The following CLSPN variants were observed in gnomAD, a reference collection of about 807,000 sequenced individuals.
CLSPN encodes the protein claspin homolog.
A neutral mutation model predicts 156.3 loss-of-function variants in CLSPN; 85 were observed. The observed-to-expected ratio is 0.54, with a 90% CI of 0.46 to 0.65. The LOEUF is 0.65. CLSPN is among the 30% of genes least tolerant of loss of function. The pLI is 0.00. For missense variants in CLSPN, 1,407 were observed against 1,554.9 expected (o/e 0.90, Z 1.60); for synonymous variants, 534 against 542.4 (o/e 0.98, Z 0.22).
At chr1:35,760,247 G>T in intron 8 of CLSPN, 95 bp downstream of exon 8, 1 of 943,100 alleles carries the variant, frequency 1.1e-6, no homozygotes, top group Non-Finnish European at 1.6e-6. Context: ...GTGGTTATTG[G>T]TTCCTCCTGT....
intron 1 of CLSPN, among the ~76,000 whole-genome samples, chr1:35,768,743 A>G (rs931166549): frequency 1.1e-4 from 16 of 152,280 alleles, no homozygotes; most frequent in African/African-American, 3.8e-4. Context: ...CAAAGCAGTA[A>G]AACTATTACT....
At chr1:35,752,543 A>G (rs1221237845) in intron 9 of CLSPN, among the ~76,000 whole-genome samples, 1 of 138,668 alleles carries the variant, frequency 7.2e-6, no homozygotes, top group African/African-American at 2.7e-5. Flanking sequence ...GTGCCATTGC[A>G]CTCCAGCCAG....
intron 10 of CLSPN, among the ~76,000 whole-genome samples, 164 bp downstream of exon 10, chr1:35,751,086 G>A (rs141277003): frequency 4.6e-4 from 69 of 151,584 alleles, no homozygotes; most frequent in African/African-American, 1.6e-3. Flanking sequence ...GGTACTGACA[G>A]AACTGAAGTT....
rs1641375978 is a variant in CLSPN at position 35,733,627 on chromosome 1, C to T, written c.*2869G>A. ...CAAAGAAAGAGGCAAAAACATGTAT[C>T]TTGAACCCATGGATAAAATGAAGTA... On this transcript the variant is annotated 3_prime_UTR_variant, in exon 25 of 25. Coordinates refer to ENST00000318121, the MANE Select transcript of CLSPN (RefSeq NM_022111.4). The T allele has an allele frequency of 1.0e-6, 1 of 985,280 alleles. No individual in the cohort carries two copies. The highest frequency in any genetic ancestry group is 1.2e-6 in the Non-Finnish European group (1 of 829,940). The allele number at this position is 985,280 out of a possible 1,614,324, so 61.0% of individuals were successfully genotyped here.
intron 9 of CLSPN, among the ~76,000 whole-genome samples, chr1:35,752,283 T>C (rs193295189): frequency 3.0e-4 from 46 of 152,140 alleles, no homozygotes; most frequent in Admixed American, 2.6e-3. Context: ...GCAGCCATTT[T>C]AAAAAAAGCC....
chr1:35,761,636 C>T (rs751653238), intron 6 of CLSPN, among the ~76,000 whole-genome samples: 1 of 152,040 alleles, frequency 6.6e-6, no homozygotes, highest in Non-Finnish European at 1.5e-5. Flanking sequence ...ATGTATACAG[C>T]GTGATACTCT....
At chr1:35,722,517 TAG>T (rs1641095093) in intron 24 of CLSPN, among the ~76,000 whole-genome samples, 1 of 152,100 alleles carries the variant, frequency 6.6e-6, no homozygotes, top group Admixed American at 6.5e-5. Flanking sequence ...CCCAAAGTGC[TAG>T]GATTTCAGGC....
intron 8 of CLSPN, among the ~76,000 whole-genome samples, chr1:35,757,719 T>C (rs902130728): frequency 2.0e-5 from 3 of 152,232 alleles, no homozygotes; most frequent in African/African-American, 7.2e-5. Flanking sequence ...TTTCCCTCAG[T>C]GTTCCGGACA....
chr1:35,732,545 T>C lies in CLSPN; in HGVS notation c.*3951A>G. The stretch of plus-strand genomic sequence containing the variant: ...GCTGTGCAACTGTGAATTAATGAGA[T>C]GAAATTAGAGACCTGTTTAAAGAGG... On this transcript the variant is annotated 3_prime_UTR_variant, in exon 25 of 25. Coordinates refer to ENST00000318121, the MANE Select transcript of CLSPN (RefSeq NM_022111.4). 3 of 985,356 alleles carry C rather than the reference T, an allele frequency of 3.0e-6. No individual in the cohort carries two copies. Among genetic ancestry groups the C allele is most frequent in the South Asian group, 9.4e-5 (2 of 21,278 alleles). The allele number at this position is 985,356 out of a possible 1,614,324, so 61.0% of individuals were successfully genotyped here.
At chr1:35,731,207 AAAAAAAGAAAGAAAG>A (rs1468438770), downstream of CLSPN, among the ~76,000 whole-genome samples, 2 of 151,960 alleles carry the variant, frequency 1.3e-5, no homozygotes, top group Admixed American at 6.6e-5. Context: ...CTCAAAAAAA[AAAAAAAGAAAGAAAG>A]AAAAAAGAAA....
At chr1:35,763,576 A>T (rs1425550797) in intron 3 of CLSPN, among the ~76,000 whole-genome samples, 1 of 152,200 alleles carries the variant, frequency 6.6e-6, no homozygotes, top group Non-Finnish European at 1.5e-5. Context: ...TTGTTAAGCA[A>T]CTAGTTTATA....
At chr1:35,736,851 A>T in intron 24 of CLSPN, 63 bp downstream of exon 24, 1 of 1,547,444 alleles carries the variant, frequency 6.5e-7, no homozygotes, top group South Asian at 1.2e-5. Flanking sequence ...TTTGTTTTTA[A>T]ATTTAAATAA....
Position 35,761,181 on chromosome 1 carries a change from G to C in CLSPN, c.919C>G (p.His307Asp). The C allele has an allele frequency of 6.2e-7, 1 of 1,612,388 alleles. No homozygotes were observed. The highest frequency in any genetic ancestry group is 8.5e-7 in the Non-Finnish European group (1 of 1,178,388). Residue 307 changes from histidine (H) to aspartate (D), a missense_variant, in exon 7 of 25, where the codon CAT becomes GAT. By Grantham distance (81) the His-to-Asp change is moderately conservative. This residue lies in a region of CLSPN where 1,096 missense variants were observed against 1,193.0 expected (regional missense o/e 0.92). Coordinates refer to ENST00000318121, the MANE Select transcript of CLSPN (RefSeq NM_022111.4). Reference protein sequence around the residue: ...IRESALNLPYHMPENKTIHDF... With the variant: ...IRESALNLPYDMPENKTIHDF... Reference sequence around the variant, plus strand: ...TGAATGGTTTTATTCTCAGGCATATGATATGGAAGGTTCAGTGCAGACTCT... The same window carrying C: ...TGAATGGTTTTATTCTCAGGCATATCATATGGAAGGTTCAGTGCAGACTCT...
At chr1:35,745,603 T>C in intron 15 of CLSPN, 41 bp from the exon 16 acceptor site, 1 of 1,365,248 alleles carries the variant, frequency 7.3e-7, no homozygotes, top group Non-Finnish European at 1.0e-6. Flanking sequence ...CAAGGAATGA[T>C]AGCTTTATAC....
chr1:35,740,237 C>CTAAG (rs1641645232), intron 18 of CLSPN, among the ~76,000 whole-genome samples: 5 of 152,144 alleles, frequency 3.3e-5, no homozygotes, highest in Admixed American at 2.0e-4. Context: ...AGAAGGAAGA[C>CTAAG]TAAGGCTCAG....
intron 8 of CLSPN, among the ~76,000 whole-genome samples, chr1:35,758,174 T>G (rs1364842966): frequency 1.5e-5 from 2 of 133,204 alleles, no homozygotes; most frequent in African/African-American, 3.0e-5. Flanking sequence ...TTTTTTTGTG[T>G]TTTTTTTTTT....
Position 35,738,581 on chromosome 1 carries a change from A to G in CLSPN, c.3432T>C (p.Asp1144=). ...RMRKFRWKNI[D]DASQMDLFHR... ...GGAACAAGTCCATCTGGGAAGCATCATCTAAACAAAGAGTGAAGGTAATCA... is the reference window on the plus strand; with the variant it reads ...GGAACAAGTCCATCTGGGAAGCATCGTCTAAACAAAGAGTGAAGGTAATCA... Residue 1144 remains aspartate, a splice_region_variant and synonymous_variant, in exon 21 of 25, where the codon GAT becomes GAC. Coordinates refer to ENST00000318121, the MANE Select transcript of CLSPN (RefSeq NM_022111.4). 1 of 1,613,934 alleles carries G rather than the reference A, an allele frequency of 6.2e-7. No individual in the cohort carries two copies. The highest frequency in any genetic ancestry group is 8.5e-7 in the Non-Finnish European group (1 of 1,179,908).
At position 35,732,242 on chromosome 1, in the gene CLSPN, T is replaced by C. The variant is rs1299850610; in HGVS notation, c.*4254A>G. 2.2e-5 allele frequency: 22 copies of C among 985,176 alleles called. No individual in the cohort carries two copies. Among genetic ancestry groups the C allele is most frequent in the Admixed American group, 6.2e-5 (1 of 16,242 alleles). The allele number at this position is 985,176 out of a possible 1,614,324, so 61.0% of individuals were successfully genotyped here. A position where few individuals can be genotyped will look rare whatever the true frequency, so the allele number is the denominator to read the frequency against. On this transcript the variant is annotated 3_prime_UTR_variant, in exon 25 of 25. Coordinates refer to ENST00000318121, the MANE Select transcript of CLSPN (RefSeq NM_022111.4). The stretch of plus-strand genomic sequence containing the variant: ...TCAAGGATGACATAATCAAATAGTA[T>C]CATGGGAACACTCCTCCCAGAAATA...
At position 35,765,231 on chromosome 1, in the gene CLSPN, G is replaced by C; in HGVS notation, c.120C>G (p.Pro40=). ...ACTATTACAAACCTCCTTCACTCAA[G>C]GGTCCAATTGTTTCATAGCTGCCCT... ...SGQGSYETIG[P]LSEGDSDEEI... Residue 40 remains proline (P), a synonymous_variant, in exon 2 of 25, where the codon CCC becomes CCG. Coordinates refer to ENST00000318121, the MANE Select transcript of CLSPN (RefSeq NM_022111.4). 6.2e-7 allele frequency: 1 copy of C among 1,610,396 alleles called. No individual in the cohort carries two copies. Among genetic ancestry groups the C allele is most frequent in the Non-Finnish European group, 8.5e-7 (1 of 1,177,178 alleles).
Sources: allele counts gnomAD v4.1 joint callset (sites outside exome capture counted in the v4.1 genomes callset), GRCh38; gene constraint gnomAD v4.1.1; regional missense constraint gnomAD v4.1.1; transcripts MANE v1.5; gene names NCBI Gene and HGNC (gene_info 2026-07-23, HGNC 2026-07-21).